Variants in RBFOX1 observed in about 807,000 individuals in gnomAD.
RBFOX1 encodes RNA binding protein fox-1 homolog 1.
RBFOX1 carries 8 observed loss-of-function variants against 57.7 expected under a neutral mutation model. That is an observed-to-expected ratio of 0.14 (90% CI 0.08 to 0.25). The LOEUF is 0.25. Ranked by LOEUF, RBFOX1 falls within the 10% of genes least tolerant of loss-of-function variation. The pLI, the probability that RBFOX1 is intolerant of heterozygous loss-of-function variation, is 1.00. For missense variants in RBFOX1, 611 were observed against 548.5 expected (o/e 1.11, Z -1.14); for synonymous variants, 326 against 222.4 (o/e 1.47, Z -4.15).
intron 3 of RBFOX1, among the ~76,000 whole-genome samples, chr16:6,730,581 G>GAA (rs1395262955): frequency 6.6e-6 from 1 of 152,116 alleles, no homozygotes. Flanking sequence ...CTACAGTCCT[G>GAA]AAAAAGGGAT....
At chr16:5,530,907 G>T (rs537031078) in intron 2 of RBFOX1, among the ~76,000 whole-genome samples, 208 of 127,022 alleles carry the variant, frequency 1.6e-3, no homozygotes, top group African/African-American at 5.6e-3. Context: ...GGCCAACATG[G>T]CGAAACCCTG....
intron 1 of RBFOX1, among the ~76,000 whole-genome samples, chr16:5,295,790 C>A (rs1389908308): frequency 2.0e-5 from 3 of 152,190 alleles, no homozygotes; most frequent in Admixed American, 6.5e-5. Context: ...ATAGGCCCCA[C>A]CCACATTAAC....
At chr16:5,891,357 C>G (rs771009966) in intron 4 of RBFOX1, among the ~76,000 whole-genome samples, 22 of 152,092 alleles carry the variant, frequency 1.4e-4, no homozygotes, top group Admixed American at 6.5e-4. Flanking sequence ...GTTTCAAGTT[C>G]TTTGTGTTCT....
chr16:7,050,002 C>T (rs1375419883), intron 3 of RBFOX1, among the ~76,000 whole-genome samples: 1 of 152,184 alleles, frequency 6.6e-6, no homozygotes, highest in Non-Finnish European at 1.5e-5. Context: ...ATTAAGCAGT[C>T]ACTCCTCCTT....
At chr16:6,620,470 A>G (rs1169753929) in intron 2 of RBFOX1, among the ~76,000 whole-genome samples, 1 of 152,230 alleles carries the variant, frequency 6.6e-6, no homozygotes, top group Non-Finnish European at 1.5e-5. Context: ...TCCCAAAGCT[A>G]GCAGAAGACA....
intron 3 of RBFOX1, among the ~76,000 whole-genome samples, chr16:6,798,004 G>GGAT (rs368627689): frequency 2.6e-5 from 4 of 151,780 alleles, no homozygotes; most frequent in South Asian, 2.1e-4. Context: ...ATGGGAATAG[G>GGAT]GATGATGATG....
At chr16:6,496,516 C>G (rs971492320) in intron 2 of RBFOX1, among the ~76,000 whole-genome samples, 1 of 152,174 alleles carries the variant, frequency 6.6e-6, no homozygotes, top group Non-Finnish European at 1.5e-5. Flanking sequence ...TCAATTTTGC[C>G]TGCCCACTTG....
chr16:5,610,036 C>G (rs2047719297), intron 3 of RBFOX1, among the ~76,000 whole-genome samples: 1 of 152,164 alleles, frequency 6.6e-6, no homozygotes. Context: ...TGCTTTGATG[C>G]TCACACAACA....
At chr16:7,320,211 A>C (rs565418879) in intron 4 of RBFOX1, among the ~76,000 whole-genome samples, 1 of 152,142 alleles carries the variant, frequency 6.6e-6, no homozygotes, top group South Asian at 2.1e-4. Context: ...TCAGCTATTT[A>C]TCCTGATGCT....
intron 4 of RBFOX1, among the ~76,000 whole-genome samples, chr16:7,057,808 G>C (rs1811558): frequency 0.69 from 104,757 of 151,900 alleles, 37,337 homozygotes; most frequent in East Asian, 0.91. Flanking sequence ...AGGAGTTGGA[G>C]ACTAGCCTAG....
chr16:6,834,055 A>AT (rs994800530), intron 3 of RBFOX1, among the ~76,000 whole-genome samples: 21 of 106,096 alleles, frequency 2.0e-4, no homozygotes, highest in African/African-American at 3.2e-4. Context: ...GATCCAATAA[A>AT]TATTTTTTTT....
At position 6,732,884 on chromosome 16, in the gene RBFOX1, G is replaced by T. The variant is rs865898817; in HGVS notation, c.-16+78234G>T. 3.1e-3 allele frequency among the ~76,000 whole-genome samples: 476 copies of T among 152,256 alleles called. 1 individual carries two copies. The highest frequency in any genetic ancestry group is 0.011 in the African/African-American group (453 of 41,544). The stretch of plus-strand genomic sequence containing the variant: ...TTTCACAACAAATTTGCATCTGAAA[G>T]TTTGTTGATCCTTGTGTTATATTTC... On this transcript the variant is annotated intron_variant, in intron 3 of 15. Coordinates refer to ENST00000550418, the MANE Select transcript of RBFOX1 (RefSeq NM_018723.4).
intron 1 of RBFOX1, among the ~76,000 whole-genome samples, chr16:6,176,564 T>TGATA (rs984546390): frequency 1.5e-4 from 23 of 152,238 alleles, no homozygotes; most frequent in African/African-American, 5.3e-4. Context: ...GGAGATTTGA[T>TGATA]GATACCATGT....
At chr16:6,524,514 G>A (rs540415081) in intron 2 of RBFOX1, among the ~76,000 whole-genome samples, 7 of 152,260 alleles carry the variant, frequency 4.6e-5, no homozygotes, top group African/African-American at 1.7e-4. Context: ...CAAGTTCCTA[G>A]TAAACATTTA....
chr16:6,389,808 T>C (rs11644084), intron 2 of RBFOX1, among the ~76,000 whole-genome samples: 55,072 of 152,064 alleles, frequency 0.36, 10,341 homozygotes, highest in South Asian at 0.61. Context: ...AATCAAGCTA[T>C]GGACTGGTAA....
chr16:6,828,057 A>C (rs1426674976), intron 3 of RBFOX1, among the ~76,000 whole-genome samples: 1 of 152,164 alleles, frequency 6.6e-6, no homozygotes, highest in South Asian at 2.1e-4. Flanking sequence ...TGAGAAAATG[A>C]TTAAAAGCCT....
intron 2 of RBFOX1, among the ~76,000 whole-genome samples, chr16:5,560,920 C>T (rs1035283182): frequency 3.3e-5 from 5 of 152,156 alleles, no homozygotes; most frequent in African/African-American, 9.7e-5. Context: ...AGTATGGAGG[C>T]GTTTTGGCTA....
At chr16:7,343,997 T>C (rs1027730253) in intron 4 of RBFOX1, among the ~76,000 whole-genome samples, 12 of 151,894 alleles carry the variant, frequency 7.9e-5, no homozygotes, top group African/African-American at 2.4e-4. Context: ...AATTAAATAA[T>C]AGCCTCAATC....
chr16:6,210,375 A>G (rs2097287813), intron 1 of RBFOX1, among the ~76,000 whole-genome samples: 1 of 142,114 alleles, frequency 7.0e-6, no homozygotes, highest in Non-Finnish European at 1.6e-5. Context: ...AAAAAAAAAA[A>G]AAAGAGAAAG....
Sources: gnomAD v4.1 joint callset for allele counts (sites outside exome capture counted in the v4.1 genomes callset) on GRCh38, gnomAD v4.1.1 for gene constraint, MANE v1.5 for transcripts, NCBI Gene and HGNC (gene_info 2026-07-23, HGNC 2026-07-21) for gene names.